The following CDKAL1 variants were observed in gnomAD, a reference collection of about 807,000 sequenced individuals.
The protein encoded by CDKAL1 is CDKAL1 threonylcarbamoyladenosine tRNA methylthiotransferase.
CDKAL1 carries 32 observed loss-of-function variants against 68.2 expected under a neutral mutation model. The ratio of observed to expected loss-of-function variants is 0.47; its 90% CI spans 0.35 to 0.63. The LOEUF is 0.63. Among genes scored for constraint, CDKAL1 ranks in the 30% least tolerant of loss-of-function variants. CDKAL1 has a pLI of 0.00. For synonymous variants in CDKAL1, 234 were observed against 244.3 expected, an observed-to-expected ratio of 0.96 and a Z score of 0.39; for missense variants, 606 against 696.7, an observed-to-expected ratio of 0.87 and a Z score of 1.47.
intron 15 of CDKAL1, among the ~76,000 whole-genome samples, chr6:21,204,396 A>G (rs1778816782): frequency 2.0e-5 from 3 of 152,166 alleles, no homozygotes; most frequent in African/African-American, 7.2e-5. Flanking sequence ...TTTACATTTT[A>G]TTTCATCTAG....
At chr6:21,186,338 A>G (rs1007067225) in intron 13 of CDKAL1, among the ~76,000 whole-genome samples, 9 of 152,164 alleles carry the variant, frequency 5.9e-5, no homozygotes, top group Non-Finnish European at 1.3e-4. Context: ...ATGGGGGGGA[A>G]TGTAAGATTT....
At chr6:20,977,900 TAATC>T (rs1442686406) in intron 10 of CDKAL1, among the ~76,000 whole-genome samples, 2 of 152,100 alleles carry the variant, frequency 1.3e-5, no homozygotes, top group Non-Finnish European at 2.9e-5. Context: ...ATAATAATAA[TAATC>T]ATTATTTATG....
intron 4 of CDKAL1, among the ~76,000 whole-genome samples, chr6:20,574,980 T>A (rs1176142981): frequency 2.0e-5 from 3 of 152,144 alleles, no homozygotes; most frequent in Non-Finnish European, 2.9e-5. Context: ...TTCAAATGCA[T>A]CCTCCTCATT....
chr6:20,659,286 A>T (rs537051671), intron 5 of CDKAL1, among the ~76,000 whole-genome samples: 3 of 152,146 alleles, frequency 2.0e-5, no homozygotes, highest in South Asian at 4.2e-4. Flanking sequence ...TTTTTTGTTA[A>T]ACTTAGATAT....
chr6:20,684,612 A>T (rs1039411101), intron 5 of CDKAL1, among the ~76,000 whole-genome samples: 3 of 152,194 alleles, frequency 2.0e-5, no homozygotes, highest in Non-Finnish European at 2.9e-5. Flanking sequence ...CTTCCAAGTG[A>T]CTGTATCATT....
intron 5 of CDKAL1, among the ~76,000 whole-genome samples, chr6:20,653,484 C>T (rs1768867033): frequency 6.6e-6 from 1 of 152,144 alleles, no homozygotes; most frequent in African/African-American, 2.4e-5. Flanking sequence ...CAGGCTCTCA[C>T]CCTGTCGCCC....
At position 20,853,786 on chromosome 6, in the gene CDKAL1, A is replaced by G. The variant is rs946621869; in HGVS notation, c.742+7608A>G. Among the ~76,000 whole-genome samples the G allele has an allele frequency of 5.3e-5, 8 of 152,192 alleles. No homozygotes were observed. In the East Asian group the frequency reaches 1.5e-3, roughly 29 times the overall value. On this transcript the variant is annotated intron_variant, in intron 9 of 15. Coordinates refer to ENST00000274695, the MANE Select transcript of CDKAL1 (RefSeq NM_017774.3). ...CTACAATTAAGAACCACTATTCTAG[A>G]AAATTTTTTGGTTGAAGCTGTAAAA... is the stretch of plus-strand genomic sequence containing the variant.
chr6:20,636,036 T>C (rs1399503791), intron 4 of CDKAL1, among the ~76,000 whole-genome samples: 1 of 152,192 alleles, frequency 6.6e-6, no homozygotes, highest in African/African-American at 2.4e-5. Context: ...TCTTCAGAGA[T>C]AAGGATGTTC....
intron 15 of CDKAL1, among the ~76,000 whole-genome samples, chr6:21,205,753 G>T (rs6932914): frequency 1.3e-4 from 19 of 148,036 alleles, no homozygotes; most frequent in African/African-American, 3.8e-4. Flanking sequence ...GGATGGTCTC[G>T]ATCTCCTGAC....
At chr6:20,885,800 A>G (rs970693930) in intron 9 of CDKAL1, among the ~76,000 whole-genome samples, 20 of 152,332 alleles carry the variant, frequency 1.3e-4, no homozygotes, top group Admixed American at 5.9e-4. Flanking sequence ...ACTAAAACTC[A>G]GCCTGATGCA....
At chr6:20,783,530 C>T (rs1002140398) in intron 8 of CDKAL1, among the ~76,000 whole-genome samples, 1 of 152,166 alleles carries the variant, frequency 6.6e-6, no homozygotes, top group East Asian at 1.9e-4. Flanking sequence ...CTGCAGGCCT[C>T]CCTGTAGGTT....
At chr6:21,216,753 C>T (rs1050165478) in intron 15 of CDKAL1, among the ~76,000 whole-genome samples, 4 of 152,180 alleles carry the variant, frequency 2.6e-5, no homozygotes, top group African/African-American at 9.7e-5. Flanking sequence ...ACTTTTTCTT[C>T]CTTTGACCAA....
intron 12 of CDKAL1, among the ~76,000 whole-genome samples, chr6:21,090,042 G>T (rs1772916197): frequency 6.6e-6 from 1 of 152,178 alleles, no homozygotes; most frequent in African/African-American, 2.4e-5. Context: ...TTTATGGAGA[G>T]ACATCATCTA....
intron 12 of CDKAL1, among the ~76,000 whole-genome samples, chr6:21,097,205 C>G (rs1773359873): frequency 1.3e-5 from 2 of 152,128 alleles, no homozygotes; most frequent in Admixed American, 1.3e-4. Flanking sequence ...TGTGGTGGTT[C>G]ACACCTGTAG....
At chr6:20,691,961 A>C (rs1455894968) in intron 5 of CDKAL1, among the ~76,000 whole-genome samples, 3 of 152,078 alleles carry the variant, frequency 2.0e-5, no homozygotes, top group Non-Finnish European at 4.4e-5. Flanking sequence ...AATATACATA[A>C]ATTTGGTGGT....
intron 4 of CDKAL1, among the ~76,000 whole-genome samples, chr6:20,552,037 GAAA>G (rs1295877569): frequency 1.0e-5 from 1 of 95,912 alleles, no homozygotes; most frequent in Admixed American, 1.1e-4. Flanking sequence ...ATACCCTAAG[GAAA>G]AAAAAAAAAA....
At chr6:21,212,278 G>A (rs1158547939) in intron 15 of CDKAL1, among the ~76,000 whole-genome samples, 1 of 152,116 alleles carries the variant, frequency 6.6e-6, no homozygotes, top group African/African-American at 2.4e-5. Flanking sequence ...CTACATGATA[G>A]GTTGAAATCC....
chr6:20,740,974 T>C (rs1581485144), intron 6 of CDKAL1, among the ~76,000 whole-genome samples: 2 of 152,300 alleles, frequency 1.3e-5, no homozygotes, highest in South Asian at 4.1e-4. Context: ...AGAGATGGAA[T>C]GTGGTAAAAA....
At chr6:21,037,264 C>T (rs187714567) in intron 11 of CDKAL1, among the ~76,000 whole-genome samples, 1 of 152,248 alleles carries the variant, frequency 6.6e-6, no homozygotes, top group African/African-American at 2.4e-5. Context: ...AGCAGTTTTA[C>T]AGCAGGGGAA....
Sources: allele counts gnomAD v4.1 joint callset (sites outside exome capture counted in the v4.1 genomes callset), GRCh38; gene constraint gnomAD v4.1.1; transcripts MANE v1.5; gene names NCBI Gene and HGNC (gene_info 2026-07-23, HGNC 2026-07-21).